Variants in ERC2 observed in about 807,000 individuals in gnomAD.
ERC2 encodes the protein ERC protein 2.
In ERC2, 42 loss-of-function variants were observed where a neutral mutation model predicts 114.8. That is an observed-to-expected ratio of 0.37 (90% CI 0.29 to 0.47). ERC2 has a LOEUF of 0.47. Ranked by LOEUF, ERC2 falls within the 20% of genes least tolerant of loss-of-function variation. The pLI, the probability that ERC2 is intolerant of heterozygous loss-of-function variation, is 0.99. For missense variants in ERC2, 939 were observed against 1,150.7 expected (o/e 0.82, Z 2.66); for synonymous variants, 454 against 425.5 (o/e 1.07, Z -0.82).
chr3:55,726,389 T>C (rs531290288), intron 15 of ERC2, among the ~76,000 whole-genome samples: 2 of 152,368 alleles, frequency 1.3e-5, no homozygotes, highest in South Asian at 4.1e-4. Flanking sequence ...CATGAAGCAC[T>C]GAAAGTGTAA....
chr3:56,366,194 T>G (rs2059144303), intron 2 of ERC2, among the ~76,000 whole-genome samples: 1 of 152,232 alleles, frequency 6.6e-6, no homozygotes, highest in South Asian at 2.1e-4. Context: ...CAGCAACCTC[T>G]GATCACAGCA....
intron 2 of ERC2, among the ~76,000 whole-genome samples, chr3:56,414,615 C>T (rs2061074524): frequency 6.6e-6 from 1 of 151,562 alleles, no homozygotes; most frequent in Non-Finnish European, 1.5e-5. Flanking sequence ...GTCCCAGGTA[C>T]TTGGGAGGCT....
At chr3:56,309,957 C>T (rs1576373004) in intron 2 of ERC2, among the ~76,000 whole-genome samples, 1 of 152,126 alleles carries the variant, frequency 6.6e-6, no homozygotes, top group South Asian at 2.1e-4. Flanking sequence ...AAATGCTAAG[C>T]GCTTTGGCAT....
chr3:56,091,938 G>A (rs2077815039), intron 6 of ERC2, among the ~76,000 whole-genome samples: 1 of 151,074 alleles, frequency 6.6e-6, no homozygotes, highest in Non-Finnish European at 1.5e-5. Context: ...TCATTTAGCA[G>A]TCAAAAATTT....
chr3:56,430,790 A>G (rs1195496187), intron 2 of ERC2, among the ~76,000 whole-genome samples: 1 of 152,186 alleles, frequency 6.6e-6, no homozygotes, highest in African/African-American at 2.4e-5. Context: ...CCCTGTCTCA[A>G]AATAATAACA....
At chr3:56,379,914 T>C (rs1228639341) in intron 2 of ERC2, among the ~76,000 whole-genome samples, 1 of 152,198 alleles carries the variant, frequency 6.6e-6, no homozygotes, top group African/African-American at 2.4e-5. Context: ...TTGGAGCCTT[T>C]GCTCTGGGTC....
At chr3:55,714,600 T>G (rs1203059310) in intron 15 of ERC2, among the ~76,000 whole-genome samples, 2 of 149,920 alleles carry the variant, frequency 1.3e-5, no homozygotes, top group Admixed American at 1.3e-4. Context: ...AAATAGTATA[T>G]AAAAGTCTAC....
chr3:55,893,973 A>G (rs1156353277), intron 13 of ERC2, among the ~76,000 whole-genome samples: 1 of 152,190 alleles, frequency 6.6e-6, no homozygotes, highest in Non-Finnish European at 1.5e-5. Flanking sequence ...TATATGAAGC[A>G]ATGATTGCAG....
chr3:55,649,740 A>G (rs1327693370), intron 17 of ERC2, among the ~76,000 whole-genome samples: 2 of 152,124 alleles, frequency 1.3e-5, no homozygotes, highest in African/African-American at 2.4e-5. Flanking sequence ...TCATTTCCCC[A>G]TGGAGCCAGG....
In ERC2 at chr3:56,066,081, G is replaced by C. The variant is rs1354629282; in HGVS notation, c.1641+14736C>G. ...ATATACCCAGTAATGGGATTACTGG[G>C]TCAAACAGTATTTCTGGTTCTAGAT... is the stretch of plus-strand genomic sequence containing the variant. On this transcript the variant is annotated intron_variant, in intron 7 of 17. Transcript: ENST00000288221. Among the ~76,000 whole-genome samples the C allele has an allele frequency of 6.6e-4, 100 of 152,062 alleles. 2 individuals are homozygous for C. Among genetic ancestry groups the C allele is most frequent in the Admixed American group, 6.6e-3 (100 of 15,266 alleles).
intron 17 of ERC2, among the ~76,000 whole-genome samples, chr3:55,565,282 A>T (rs1392429929): frequency 6.6e-6 from 1 of 152,242 alleles, no homozygotes; most frequent in East Asian, 1.9e-4. Context: ...ATCCAACATA[A>T]ATATTAGAAA....
chr3:56,405,803 A>G (rs2060696878), intron 2 of ERC2, among the ~76,000 whole-genome samples: 1 of 152,108 alleles, frequency 6.6e-6, no homozygotes. Context: ...TTTAACATAG[A>G]ACAATTGTGA....
At chr3:56,270,921 G>T (rs1406402798) in intron 3 of ERC2, among the ~76,000 whole-genome samples, 1 of 152,188 alleles carries the variant, frequency 6.6e-6, no homozygotes, top group African/African-American at 2.4e-5. Context: ...GGCAGAGCTT[G>T]CAGCGAGCCG....
At chr3:55,533,758 T>C (rs2053816964) in intron 17 of ERC2, among the ~76,000 whole-genome samples, 1 of 152,194 alleles carries the variant, frequency 6.6e-6, no homozygotes, top group Non-Finnish European at 1.5e-5. Context: ...ACCCGCTCCT[T>C]GCTCTCCTGA....
chr3:55,642,301 C>G (rs1397863819), intron 17 of ERC2, among the ~76,000 whole-genome samples: 1 of 151,678 alleles, frequency 6.6e-6, no homozygotes, highest in Non-Finnish European at 1.5e-5. Context: ...GGCTCCTACG[C>G]TTTCCACAGA....
chr3:55,722,069 A>T (rs2064593951), intron 15 of ERC2, among the ~76,000 whole-genome samples: 1 of 152,036 alleles, frequency 6.6e-6, no homozygotes, highest in Non-Finnish European at 1.5e-5. Flanking sequence ...TGGGATGACC[A>T]CCTCTCTATC....
chr3:56,350,779 C>A (rs759529751), intron 2 of ERC2, among the ~76,000 whole-genome samples: 1 of 152,170 alleles, frequency 6.6e-6, no homozygotes, highest in Non-Finnish European at 1.5e-5. Context: ...CCAACTGGAA[C>A]AATCCAGAGT....
chr3:55,591,932 CAT>C (rs1295273779), intron 17 of ERC2, among the ~76,000 whole-genome samples: 1 of 152,224 alleles, frequency 6.6e-6, no homozygotes, highest in Non-Finnish European at 1.5e-5. Context: ...AATGCTGACA[CAT>C]AGCTTCTGAA....
chr3:55,954,081 T>TTTAAAAA (rs1390720369), intron 12 of ERC2, among the ~76,000 whole-genome samples: 6 of 50,358 alleles, frequency 1.2e-4, no homozygotes, highest in African/African-American at 5.1e-4. Context: ...CTCCATTATT[T>TTTAAAAA]AAAAAAAAAA....
Sources: allele counts gnomAD v4.1 joint callset (sites outside exome capture counted in the v4.1 genomes callset), GRCh38; gene constraint gnomAD v4.1.1; transcripts MANE v1.5; gene names NCBI Gene and HGNC (gene_info 2026-07-23, HGNC 2026-07-21).